NDST3: variants seen among roughly 807,000 people sequenced by gnomAD.
The protein encoded by NDST3 is bifunctional heparan sulfate N-deacetylase/N-sulfotransferase 3.
Under a neutral mutation model 96.1 loss-of-function variants are expected in NDST3, and 58 were observed. The observed-to-expected ratio is 0.60, with a 90% confidence interval of 0.49 to 0.75. NDST3 has a LOEUF of 0.75. NDST3 is among the 30% of genes least tolerant of loss of function. The pLI is 0.00. For missense variants in NDST3, 788 were observed against 1,034.2 expected (o/e 0.76, Z 3.27); for synonymous variants, 333 against 359.7 (o/e 0.93, Z 0.84).
At chr4:118,184,598 T>TACA (rs1224356561) in intron 6 of NDST3, among the ~76,000 whole-genome samples, 1 of 101,168 alleles carries the variant, frequency 9.9e-6, no homozygotes, top group Admixed American at 1.4e-4. Context: ...TCTCTCTCTC[T>TACA]CTCTACACAC....
chr4:118,157,675 A>T (rs1388509421), intron 6 of NDST3, among the ~76,000 whole-genome samples: 1 of 151,872 alleles, frequency 6.6e-6, no homozygotes, highest in African/African-American at 2.4e-5. Context: ...ACCCACCTCA[A>T]CCTCCTAAAG....
intron 6 of NDST3, among the ~76,000 whole-genome samples, chr4:118,210,935 A>C (rs1438096425): frequency 6.6e-6 from 1 of 152,172 alleles, no homozygotes; most frequent in Non-Finnish European, 1.5e-5. Context: ...TGACAGTATC[A>C]GTTGAGTAAT....
chr4:118,047,985 G>A (rs1291112357), intron 1 of NDST3, among the ~76,000 whole-genome samples: 1 of 151,952 alleles, frequency 6.6e-6, no homozygotes, highest in Non-Finnish European at 1.5e-5. Context: ...AGAGAAGAAG[G>A]GTCAAGTCAT....
chr4:118,071,701 T>C (rs1727090379), intron 2 of NDST3, among the ~76,000 whole-genome samples: 1 of 152,194 alleles, frequency 6.6e-6, no homozygotes, highest in Non-Finnish European at 1.5e-5. Context: ...TCTTTACTAT[T>C]GTGAATAGTG....
intron 1 of NDST3, among the ~76,000 whole-genome samples, chr4:118,042,003 C>T (rs1393445321): frequency 6.6e-6 from 1 of 152,170 alleles, no homozygotes; most frequent in Admixed American, 6.5e-5. Context: ...AAAGGCTTCC[C>T]TGAGGAATTG....
At chr4:118,153,128 T>A (rs1734509990) in intron 6 of NDST3, among the ~76,000 whole-genome samples, 1 of 152,248 alleles carries the variant, frequency 6.6e-6, no homozygotes, top group South Asian at 2.1e-4. Context: ...TTCTAGCCAA[T>A]CCCACAGATT....
chr4:118,196,804 C>A (rs546115289), intron 6 of NDST3, among the ~76,000 whole-genome samples: 1 of 151,070 alleles, frequency 6.6e-6, no homozygotes, highest in Non-Finnish European at 1.5e-5. Context: ...ATTCATTGAT[C>A]TTTTGTATTG....
intron 2 of NDST3, among the ~76,000 whole-genome samples, chr4:118,060,649 C>T (rs959939726): frequency 3.3e-5 from 5 of 152,068 alleles, no homozygotes; most frequent in Non-Finnish European, 5.9e-5. Flanking sequence ...CTCTCTCTTC[C>T]TTTTTACCTT....
intron 4 of NDST3, among the ~76,000 whole-genome samples, chr4:118,132,352 C>A (rs569622186): frequency 2.6e-5 from 4 of 152,322 alleles, no homozygotes; most frequent in East Asian, 1.9e-4. Flanking sequence ...CCACCACCAG[C>A]AGCCCTTGGC....
At chr4:118,150,823 G>A (rs1210778098) in intron 6 of NDST3, among the ~76,000 whole-genome samples, 1 of 152,080 alleles carries the variant, frequency 6.6e-6, no homozygotes, top group Non-Finnish European at 1.5e-5. Flanking sequence ...GTGGAAGTCA[G>A]TGTGGCAATT....
At chr4:118,155,883 T>C (rs1479989634) in intron 6 of NDST3, among the ~76,000 whole-genome samples, 2 of 152,212 alleles carry the variant, frequency 1.3e-5, no homozygotes, top group East Asian at 3.8e-4. Flanking sequence ...ATGGATATTA[T>C]CTTAAAATGT....
intron 2 of NDST3, among the ~76,000 whole-genome samples, chr4:118,069,686 T>C (rs1341684855): frequency 1.3e-5 from 2 of 152,066 alleles, no homozygotes; most frequent in Non-Finnish European, 2.9e-5. Flanking sequence ...ATTTCATTCA[T>C]TTTTTAATTC....
chr4:118,215,288 G>C (rs1739119779), intron 6 of NDST3, among the ~76,000 whole-genome samples: 1 of 152,032 alleles, frequency 6.6e-6, no homozygotes, highest in Admixed American at 6.6e-5. Context: ...AGAACTAGGA[G>C]AAAACAGTGT....
At chr4:118,227,030 C>A (rs781676026) in intron 8 of NDST3, 48 bp downstream of exon 8, 1 of 1,224,428 alleles carries the variant, frequency 8.2e-7, no homozygotes, top group Non-Finnish European at 1.2e-6. Context: ...TTTCTGATGA[C>A]TAGACAATGA....
At chr4:118,193,780 G>C (rs1488552929) in intron 6 of NDST3, 48 of 1,486,798 alleles carry the variant, frequency 3.2e-5, no homozygotes, top group Non-Finnish European at 4.3e-5. Context: ...CAGCAGAGAA[G>C]GCCTGTAGTT....
At chr4:118,115,101 T>A in intron 4 of NDST3, 141 bp downstream of exon 4, 1 of 805,630 alleles carries the variant, frequency 1.2e-6, no homozygotes, top group Non-Finnish European at 1.9e-6. Context: ...CGCCTTTCAG[T>A]ATGTGGCTCT....
intron 9 of NDST3, among the ~76,000 whole-genome samples, chr4:118,236,527 A>G (rs1360215135): frequency 6.6e-6 from 1 of 152,236 alleles, no homozygotes; most frequent in African/African-American, 2.4e-5. Context: ...CAATATTTAT[A>G]CCAGATATAC....
chr4:118,190,115 T>C (rs1054891808), intron 6 of NDST3, among the ~76,000 whole-genome samples: 1 of 152,034 alleles, frequency 6.6e-6, no homozygotes, highest in Non-Finnish European at 1.5e-5. Context: ...GTATACAGAA[T>C]TGTTTCATAT....
intron 6 of NDST3, among the ~76,000 whole-genome samples, chr4:118,187,203 C>T (rs535098046): frequency 1.0e-3 from 154 of 152,344 alleles, no homozygotes; most frequent in African/African-American, 3.6e-3. Context: ...AGCAACTATA[C>T]AGATACTTCT....
Sources: allele counts gnomAD v4.1 joint callset (sites outside exome capture counted in the v4.1 genomes callset), GRCh38; gene constraint gnomAD v4.1.1; transcripts MANE v1.5; gene names NCBI Gene and HGNC (gene_info 2026-07-23, HGNC 2026-07-21).